Variants in PLXNA4 observed in about 807,000 individuals in gnomAD.
PLXNA4 encodes plexin-A4.
A neutral mutation model predicts 191.8 loss-of-function variants in PLXNA4; 44 were observed. That is an observed-to-expected ratio of 0.23 (90% CI 0.18 to 0.29). PLXNA4 has a LOEUF of 0.29. PLXNA4 is among the 10% of genes least tolerant of loss of function. The probability of loss-of-function intolerance (pLI) is 1.00; values close to 1 mark genes in which losing one functional copy is unlikely to be tolerated. For synonymous variants in PLXNA4, 1,082 were observed against 1,009.5 expected (o/e 1.07, Z -1.36); for missense variants, 1,800 against 2,488.8 (o/e 0.72, Z 5.89).
At chr7:132,165,859 C>T (rs1316964760) in intron 22 of PLXNA4, among the ~76,000 whole-genome samples, 6 of 152,102 alleles carry the variant, frequency 3.9e-5, no homozygotes, top group Non-Finnish European at 8.8e-5. Flanking sequence ...CAGCATTCGC[C>T]GCAGCATAAA....
At chr7:132,379,974 G>A (rs952208140) in intron 3 of PLXNA4, among the ~76,000 whole-genome samples, 21 of 152,114 alleles carry the variant, frequency 1.4e-4, no homozygotes, top group Admixed American at 2.6e-4. Flanking sequence ...TGCCACCACC[G>A]TCACCCCTCA....
chr7:132,513,886 G>C (rs1272960963), intron 1 of PLXNA4, among the ~76,000 whole-genome samples: 2 of 151,968 alleles, frequency 1.3e-5, no homozygotes, highest in Non-Finnish European at 2.9e-5. Context: ...TGTTGGGTCA[G>C]GCTAGTCTTG....
chr7:132,563,141 CCT>C (rs1801397617), intron 1 of PLXNA4, among the ~76,000 whole-genome samples: 2 of 87,568 alleles, frequency 2.3e-5, no homozygotes, highest in East Asian at 4.3e-4. Flanking sequence ...TCCTCCTTCT[CCT>C]CTTCCTCCTT....
intron 30 of PLXNA4, among the ~76,000 whole-genome samples, chr7:132,139,629 T>A (rs2116536444): frequency 6.6e-6 from 1 of 152,338 alleles, no homozygotes; most frequent in Non-Finnish European, 1.5e-5. Flanking sequence ...TACCTCATTC[T>A]GTAGGAAGGG....
At chr7:132,131,513 G>A (rs1241856320) in intron 31 of PLXNA4, among the ~76,000 whole-genome samples, 1 of 152,100 alleles carries the variant, frequency 6.6e-6, no homozygotes, top group Admixed American at 6.5e-5. Context: ...AAGAAGGGAG[G>A]GCAAGGAGAT....
chr7:132,544,295 T>G (rs1376862974), intron 1 of PLXNA4, among the ~76,000 whole-genome samples: 1 of 152,196 alleles, frequency 6.6e-6, no homozygotes, highest in African/African-American at 2.4e-5. Flanking sequence ...CATATGAGAA[T>G]AGAGAACCTA....
chr7:132,551,599 G>A (rs903902894), intron 1 of PLXNA4, among the ~76,000 whole-genome samples: 8 of 152,118 alleles, frequency 5.3e-5, no homozygotes, highest in Non-Finnish European at 8.8e-5. Flanking sequence ...TGCAAAAGAC[G>A]TAATACCACC....
At chr7:132,593,595 G>A (rs766825770) in intron 2 of PLXNA4, among the ~76,000 whole-genome samples, 34 of 152,332 alleles carry the variant, frequency 2.2e-4, no homozygotes, top group East Asian at 5.8e-4. Context: ...GGGTGCAGGC[G>A]TGGCTGCAGC....
At chr7:132,310,068 C>G (rs1424230351) in intron 3 of PLXNA4, among the ~76,000 whole-genome samples, 1 of 151,580 alleles carries the variant, frequency 6.6e-6, no homozygotes, top group Non-Finnish European at 1.5e-5. Context: ...AGAGCTTAAG[C>G]CTGGGGCTGT....
At chr7:132,256,451 C>G (rs35987793) in intron 4 of PLXNA4, among the ~76,000 whole-genome samples, 22,391 of 152,044 alleles carry the variant, frequency 0.15, 1,724 homozygotes, top group Non-Finnish European at 0.16. Flanking sequence ...CCTCCCCAGG[C>G]AAGTTCACCA....
intron 2 of PLXNA4, among the ~76,000 whole-genome samples, chr7:132,602,707 T>C (rs1377256387): frequency 6.6e-6 from 1 of 152,114 alleles, no homozygotes; most frequent in Admixed American, 6.6e-5. Flanking sequence ...CCTCCCATCT[T>C]AGCGAGGGAA....
At chr7:132,319,610 T>C (rs1379498265) in intron 3 of PLXNA4, among the ~76,000 whole-genome samples, 2 of 152,254 alleles carry the variant, frequency 1.3e-5, no homozygotes, top group African/African-American at 4.8e-5. Context: ...TGCACTCCTC[T>C]ACCATGAAGT....
At chr7:132,555,033 GTAAACCTGAAGGA>G (rs1800727429) in intron 1 of PLXNA4, among the ~76,000 whole-genome samples, 1 of 40,214 alleles carries the variant, frequency 2.5e-5, no homozygotes, top group Non-Finnish European at 4.8e-5. Context: ...GTCTTGGGTG[GTAAACCTGAAGGA>G]AAAAAAAAAA....
chr7:132,374,810 A>C (rs1217418850), intron 3 of PLXNA4, among the ~76,000 whole-genome samples: 2 of 152,094 alleles, frequency 1.3e-5, no homozygotes, highest in Non-Finnish European at 2.9e-5. Context: ...TTCACTATCA[A>C]CTCCAACAAA....
intron 3 of PLXNA4, among the ~76,000 whole-genome samples, chr7:132,425,222 G>A (rs1292135502): frequency 6.6e-6 from 1 of 152,128 alleles, no homozygotes; most frequent in Non-Finnish European, 1.5e-5. Context: ...TCCTTCCAGA[G>A]TGCAGACCAA....
intron 20 of PLXNA4, among the ~76,000 whole-genome samples, chr7:132,177,297 C>T (rs940654538): frequency 5.9e-5 from 9 of 152,176 alleles, no homozygotes; most frequent in Non-Finnish European, 1.2e-4. Context: ...GTTTATATAT[C>T]AGAAGCTTAG....
intron 2 of PLXNA4, among the ~76,000 whole-genome samples, chr7:132,595,600 C>G (rs532262046): frequency 7.9e-5 from 12 of 152,296 alleles, no homozygotes; most frequent in African/African-American, 2.2e-4. Flanking sequence ...AACACCCAGG[C>G]ACTAAGTCAC....
chr7:132,615,197 G>T (rs1803127821), intron 2 of PLXNA4, among the ~76,000 whole-genome samples: 1 of 152,188 alleles, frequency 6.6e-6, no homozygotes. Context: ...TAGGGCTTTG[G>T]TTACCGGTGG....
Position 132,411,450 on chromosome 7 carries a change from G to A in PLXNA4, c.1371+77842C>T, listed in dbSNP as rs541679632. ...GCTCTCACCATCAAATCTATTTTCA[G>A]TTGAAACTGCTTTGAATTTACTGAC... On this transcript the variant is annotated intron_variant, in intron 3 of 31. Transcript: ENST00000321063. 2.3e-4 allele frequency among the ~76,000 whole-genome samples: 35 copies of A among 152,280 alleles called. No individual in the cohort carries two copies. The South Asian group carries it at 6.9e-3, about 30-fold the overall frequency.
Sources: gnomAD v4.1 joint callset for allele counts (sites outside exome capture counted in the v4.1 genomes callset) on GRCh38, gnomAD v4.1.1 for gene constraint, MANE v1.5 for transcripts, NCBI Gene and HGNC (gene_info 2026-07-23, HGNC 2026-07-21) for gene names.